The following CAST variants were observed in gnomAD, a reference collection of about 807,000 sequenced individuals.
The protein encoded by CAST is calpastatin, also known as MIR583 host.
In CAST, 76 loss-of-function variants were observed where a neutral mutation model predicts 119.6. That is an observed-to-expected ratio of 0.64 (90% CI 0.53 to 0.77). The LOEUF (loss-of-function observed/expected upper bound fraction) is 0.77, where lower values mean the gene tolerates loss of function less well. CAST is among the 30% of genes least tolerant of loss of function. The pLI, the probability that CAST is intolerant of heterozygous loss-of-function variation, is 0.00. For synonymous variants in CAST, 319 were observed against 331.6 expected, an observed-to-expected ratio of 0.96 and a Z score of 0.41; for missense variants, 953 against 946.5, an observed-to-expected ratio of 1.01 and a Z score of -0.09.
At chr5:96,640,908 G>A (rs1478081899) in intron 1 of CAST, among the ~76,000 whole-genome samples, 2 of 152,148 alleles carry the variant, frequency 1.3e-5, no homozygotes, top group Non-Finnish European at 2.9e-5. Context: ...TAAAGTCTCC[G>A]TTATTCCTGA....
the CAST span, among the ~76,000 whole-genome samples, chr5:96,098,723 T>C: frequency 6.6e-6 from 1 of 152,214 alleles, no homozygotes; most frequent in East Asian, 1.9e-4. Flanking sequence ...TTGGTTACTG[T>C]AGCCCTGTAG....
chr5:96,356,180 G>C, the CAST span, among the ~76,000 whole-genome samples: 3 of 151,982 alleles, frequency 2.0e-5, no homozygotes, highest in Non-Finnish European at 4.4e-5. Context: ...TTTTTGATGG[G>C]GTTATTTTAT....
chr5:96,509,465 T>G, the CAST span, among the ~76,000 whole-genome samples: 51 of 152,352 alleles, frequency 3.3e-4, no homozygotes, highest in Non-Finnish European at 5.9e-4. Flanking sequence ...ACCAGAAATC[T>G]GACCTTTCAA....
At chr5:96,731,817 A>G (rs559121477) in intron 9 of CAST, among the ~76,000 whole-genome samples, 27 of 151,566 alleles carry the variant, frequency 1.8e-4, no homozygotes, top group South Asian at 1.7e-3. Flanking sequence ...CCATGTCCCT[A>G]CAAAGGACAT....
At chr5:96,754,029 C>T (rs1362326466) in intron 20 of CAST, 31 bp from the exon 21 acceptor site, 3 of 1,279,742 alleles carry the variant, frequency 2.3e-6, no homozygotes, top group South Asian at 1.2e-5. Context: ...GATTAACCAC[C>T]TACTTAATAT....
Position 96,601,464 on chromosome 5 carries a change from C to A in CAST, c.60+71584C>A, listed in dbSNP as rs1371329841. ...CTACGGAAACAATGGATTCTTTGAT[C>A]CATTTATATTTGAAAGGATTTTTTT... is the stretch of plus-strand genomic sequence containing the variant. On this transcript the variant is annotated intron_variant, in intron 1 of 11. Transcript: ENST00000505143. Among the ~76,000 whole-genome samples, 6 of 152,148 alleles carry A rather than the reference C, an allele frequency of 3.9e-5. No individual in the cohort carries two copies. In the East Asian group the frequency reaches 1.2e-3, roughly 29 times the overall value.
At chr5:96,769,267 T>G (rs1771246651) in intron 29 of CAST, 1 of 152,166 alleles carries the variant, frequency 6.6e-6, no homozygotes. Flanking sequence ...CTCTCACCCC[T>G]GGTAACTCGT....
the CAST span, among the ~76,000 whole-genome samples, chr5:96,139,685 G>T: frequency 6.6e-6 from 1 of 151,690 alleles, no homozygotes; most frequent in Non-Finnish European, 1.5e-5. Flanking sequence ...GGGAACAAAA[G>T]TGGCCAGGAT....
chr5:96,622,393 T>C (rs1433925367), intron 1 of CAST, among the ~76,000 whole-genome samples: 3 of 152,158 alleles, frequency 2.0e-5, no homozygotes, highest in African/African-American at 7.2e-5. Flanking sequence ...CATATTCTCC[T>C]CTGGGTGAAT....
the CAST span, among the ~76,000 whole-genome samples, chr5:96,304,902 C>A: frequency 6.6e-6 from 1 of 152,136 alleles, no homozygotes; most frequent in Non-Finnish European, 1.5e-5. Context: ...CAGCTTTGTT[C>A]TTTTTGCTTC....
the CAST span, among the ~76,000 whole-genome samples, chr5:96,019,326 T>A: frequency 2.0e-5 from 3 of 152,202 alleles, no homozygotes; most frequent in Non-Finnish European, 2.9e-5. Flanking sequence ...ATGATAAATA[T>A]CAGCACGTAT....
At chr5:96,432,073 G>C in the CAST span, 6 of 1,525,978 alleles carry the variant, frequency 3.9e-6, no homozygotes, top group African/African-American at 8.2e-5. Flanking sequence ...CCGGGAAAAC[G>C]ATTACGTACT....
the CAST span, among the ~76,000 whole-genome samples, chr5:96,259,903 T>G: frequency 6.6e-6 from 1 of 151,684 alleles, no homozygotes; most frequent in African/African-American, 2.4e-5. Flanking sequence ...TTTTTTAAAT[T>G]ATGTTTTCCA....
the CAST span, among the ~76,000 whole-genome samples, chr5:96,188,658 AC>A: frequency 6.6e-6 from 1 of 152,086 alleles, no homozygotes; most frequent in Non-Finnish European, 1.5e-5. Context: ...CATCAGCTAT[AC>A]CTTTTCTTTC....
At chr5:96,238,310 C>CTTG in the CAST span, among the ~76,000 whole-genome samples, 3 of 34,942 alleles carry the variant, frequency 8.6e-5, no homozygotes, top group African/African-American at 2.3e-4. Context: ...GTTTCTTCTT[C>CTTG]TTCTTCTTCT....
At chr5:96,325,999 A>T in the CAST span, among the ~76,000 whole-genome samples, 1 of 152,092 alleles carries the variant, frequency 6.6e-6, no homozygotes, top group Non-Finnish European at 1.5e-5. Flanking sequence ...ACCATCTCAA[A>T]CTATTCCCAA....
At chr5:96,664,354 AATATATGTGTGTGTGCATAT>A (rs1285427782) in intron 1 of CAST, among the ~76,000 whole-genome samples, 1 of 151,686 alleles carries the variant, frequency 6.6e-6, no homozygotes, top group Admixed American at 6.6e-5. Context: ...TATATATGTA[AATATATGTGTGTGTGCATAT>A]ATATGTGTGT....
Position 96,560,807 on chromosome 5 carries a change from A to T in CAST, c.60+30927A>T, listed in dbSNP as rs1323212554. 2.0e-5 allele frequency among the ~76,000 whole-genome samples: 3 copies of T among 152,310 alleles called. No individual in the cohort carries two copies. In the East Asian group the frequency reaches 5.8e-4, roughly 29 times the overall value. ...AAGTCAGTGTGGCGATTCCTCAGGG[A>T]TCTGGAACTAGAAATACCATTTGAC... On this transcript the variant is annotated intron_variant, in intron 1 of 11. Coordinates refer to the CAST transcript ENST00000505143.
chr5:96,383,967 A>T, the CAST span, among the ~76,000 whole-genome samples: 3 of 152,104 alleles, frequency 2.0e-5, no homozygotes, highest in South Asian at 6.2e-4. Flanking sequence ...GATCAGGGAG[A>T]TGAGTAGGAG....
Sources: allele counts gnomAD v4.1 joint callset (sites outside exome capture counted in the v4.1 genomes callset), GRCh38; gene constraint gnomAD v4.1.1; transcripts MANE v1.5; gene names NCBI Gene and HGNC (gene_info 2026-07-23, HGNC 2026-07-21).